The following MYL6 variants were observed in gnomAD, a reference collection of about 807,000 sequenced individuals.
The protein encoded by MYL6 is myosin light polypeptide 6.
A neutral mutation model predicts 20.3 loss-of-function variants in MYL6; 20 were observed. That is an observed-to-expected ratio of 0.98 (90% CI 0.69 to 1.43). The LOEUF (loss-of-function observed/expected upper bound fraction) is 1.43, where lower values mean the gene tolerates loss of function less well. Among genes scored for constraint, MYL6 ranks in the 40% most tolerant of loss-of-function variants. The pLI, the probability that MYL6 is intolerant of heterozygous loss-of-function variation, is 0.00. For missense variants in MYL6, 164 were observed against 191.0 expected, an observed-to-expected ratio of 0.86 and a Z score of 0.83; for synonymous variants, 77 against 72.4, an observed-to-expected ratio of 1.06 and a Z score of -0.32.
intron 2 of MYL6, chr12:56,159,358 G>A (rs1310929411): frequency 1.9e-5 from 10 of 525,414 alleles, no homozygotes; most frequent in Admixed American, 7.2e-5. Flanking sequence ...CAGGCAGAGG[G>A]GTTGTGTAAA....
At chr12:56,159,144 A>G (rs1871536041) in intron 2 of MYL6, 2 of 312,344 alleles carry the variant, frequency 6.4e-6, no homozygotes, top group Admixed American at 9.6e-5. Flanking sequence ...GGGACAAGAC[A>G]GGGGAGTTTG....
intron 6 of MYL6, 99 bp downstream of exon 6, chr12:56,160,769 T>C: frequency 2.3e-6 from 3 of 1,325,642 alleles, no homozygotes; most frequent in Non-Finnish European, 3.2e-6. Flanking sequence ...TACTACCATC[T>C]GACTTCCTCC....
Position 56,159,685 on chromosome 12 carries a change from A to G in MYL6, c.130A>G (p.Thr44Ala), listed in dbSNP as rs1194603065. ...GATGAGGGCCCTGGGCCAGAACCCT[A>G]CCAACGCCGAGGTGCTCAAGGTCCT... ...DVMRALGQNP[T>A]NAEVLKVLGN... The change falls in exon 3 of 7, where the codon ACC becomes GCC. Residue 44 changes from threonine to alanine, a missense_variant. Physicochemically the swap from Thr to Ala is moderately conservative, Grantham distance 58. Transcript: ENST00000550697. The G allele has an allele frequency of 7.4e-6, 12 of 1,614,148 alleles. No homozygotes were observed. The highest frequency in any genetic ancestry group is 1.0e-5 in the Non-Finnish European group (12 of 1,180,018).
At chr12:56,160,589 T>C in intron 5 of MYL6, 37 bp from the exon 6 acceptor site, 1 of 1,612,020 alleles carries the variant, frequency 6.2e-7, no homozygotes, top group Non-Finnish European at 8.5e-7. Flanking sequence ...CATGTCTTTG[T>C]CTTGTCTTCA....
chr12:56,160,453 G>C, intron 5 of MYL6, 133 bp downstream of exon 5: 6 of 1,454,570 alleles, frequency 4.1e-6, no homozygotes, highest in Non-Finnish European at 5.8e-6. Context: ...GCCCTGCCCA[G>C]CCCAGCCCAG....
intron 5 of MYL6, 73 bp downstream of exon 5, chr12:56,160,393 C>T: frequency 6.3e-7 from 1 of 1,588,628 alleles, no homozygotes; most frequent in South Asian, 1.1e-5. Context: ...CTGGGGCTTT[C>T]CCTATCCCTG....
At chr12:56,161,334 C>A in intron 6 of MYL6, 53 bp from the exon 7 acceptor site, 1 of 1,608,732 alleles carries the variant, frequency 6.2e-7, no homozygotes. Context: ...TGGCCCTTGG[C>A]GTACCCCTCC....
At chr12:56,161,096 C>A in intron 6 of MYL6, 1 of 585,522 alleles carries the variant, frequency 1.7e-6, no homozygotes. Context: ...ACTCTGTCCT[C>A]TCCTCCCGCC....
intron 2 of MYL6, 84 bp from the exon 3 acceptor site, chr12:56,159,503 T>C: frequency 3.9e-6 from 6 of 1,544,352 alleles, no homozygotes; most frequent in South Asian, 2.4e-5. Flanking sequence ...CTCAGCATGA[T>C]CAAAGTTGAA....
intron 3 of MYL6, 45 bp from the exon 4 acceptor site, chr12:56,159,930 T>G: frequency 1.3e-6 from 2 of 1,579,436 alleles, no homozygotes; most frequent in Non-Finnish European, 1.7e-6. Flanking sequence ...TCCTGAGAAC[T>G]TGTGTTACTT....
At chr12:56,161,349 C>T (rs150697009) in intron 6 of MYL6, 38 bp from the exon 7 acceptor site, 124 of 1,613,908 alleles carry the variant, frequency 7.7e-5, no homozygotes, top group Middle Eastern at 6.6e-4. Context: ...CCCTCCACAG[C>T]CCTGTTCCCT....
chr12:56,158,428 G>T (rs765923515), intron 1 of MYL6, 24 bp downstream of exon 1: 2 of 1,538,794 alleles, frequency 1.3e-6, no homozygotes, highest in Non-Finnish European at 1.7e-6. Context: ...CTTGGGAGAC[G>T]GGCAGGATTG....
chr12:56,158,514 CG>C, intron 1 of MYL6, 110 bp downstream of exon 1: 1 of 1,601,260 alleles, frequency 6.2e-7, no homozygotes, highest in Non-Finnish European at 8.5e-7. Context: ...TCTGAGGACC[CG>C]AAAGGTTGGA....
Position 56,160,648 on chromosome 12 carries a change from G to C in MYL6, c.450G>C (p.Ser150=), listed in dbSNP as rs199626813. 6.2e-7 allele frequency: 1 copy of C among 1,614,118 alleles called. No homozygotes were observed. Among genetic ancestry groups the C allele is most frequent in the Admixed American group, 1.7e-5 (1 of 60,010 alleles). ...NYEAFVRHIL[S]G Reference sequence around the variant, plus strand: ...CAGCGTTTGTGAGGCATATCCTGTCGGGGTGACGGGCCCATGGGGCGGGTA... The same window carrying C: ...CAGCGTTTGTGAGGCATATCCTGTCCGGGTGACGGGCCCATGGGGCGGGTA... Residue 150 remains serine (S), a synonymous_variant, in exon 6 of 7, where the codon TCG becomes TCC. Coordinates refer to ENST00000550697, the MANE Select transcript of MYL6 (RefSeq NM_021019.5).
chr12:56,161,229 GT>G (rs1364036881), intron 6 of MYL6, 157 bp from the exon 7 acceptor site: 1 of 793,240 alleles, frequency 1.3e-6, no homozygotes, highest in Non-Finnish European at 2.2e-6. Context: ...TGGAGAACTG[GT>G]CAGACTCAAG....
In MYL6 at chr12:56,159,594, G is replaced by A. The variant is rs370789770; in HGVS notation, c.39G>A (p.Lys13=). 29 of 1,613,222 alleles carry A rather than the reference G, an allele frequency of 1.8e-5. No individual in the cohort carries two copies. Among genetic ancestry groups the A allele is most frequent in the African/African-American group, 1.3e-5 (1 of 74,890 alleles). The change falls in exon 3 of 7, where the codon AAG becomes AAA. Residue 13 remains lysine, a synonymous_variant. Transcript: ENST00000550697. ...DFTEDQTAEF[K]EAFQLFDRTG... is the part of the protein sequence containing the mutation. ...ATTCATCTGAATCCTCAGAGTTCAA[G>A]GAGGCCTTCCAGCTGTTTGACCGAA...
intron 1 of MYL6, 128 bp from the exon 2 acceptor site, chr12:56,158,556 G>C: frequency 6.2e-7 from 1 of 1,613,404 alleles, no homozygotes; most frequent in Non-Finnish European, 8.5e-7. Flanking sequence ...GGCCCTGCGG[G>C]GAAGCGAGTC....
Position 56,161,562 on chromosome 12 carries a change from C to T in MYL6, c.*192C>T, listed in dbSNP as rs938220197. ...TTGCCGTCAGCATTCACCAAATAAA[C>T]TTGCTCTCTGGGCCCTCGGTTCGGT... On this transcript the variant is annotated 3_prime_UTR_variant, in exon 7 of 7. Coordinates refer to ENST00000550697, the MANE Select transcript of MYL6 (RefSeq NM_021019.5). The T allele has an allele frequency of 9.8e-7, 1 of 1,020,004 alleles. No homozygotes were observed. The highest frequency in any genetic ancestry group is 1.8e-5 in the Admixed American group (1 of 56,658). The allele number at this position is 1,020,004 out of a possible 1,614,324, so 63.2% of individuals were successfully genotyped here.
At position 56,161,543 on chromosome 12, in the gene MYL6, T is replaced by A; in HGVS notation, c.*173T>A. On this transcript the variant is annotated 3_prime_UTR_variant, in exon 7 of 7. Transcript: ENST00000550697. The stretch of plus-strand genomic sequence containing the variant: ...TGTCTCTCTTGGATGATGTTTGCCG[T>A]CAGCATTCACCAAATAAACTTGCTC... 8.3e-7 allele frequency: 1 copy of A among 1,202,310 alleles called. No homozygotes were observed. The highest frequency in any genetic ancestry group is 1.2e-6 in the Non-Finnish European group (1 of 813,590). The allele number at this position is 1,202,310 out of a possible 1,614,324, so 74.5% of individuals were successfully genotyped here. A position where few individuals can be genotyped will look rare whatever the true frequency, so the allele number is the denominator to read the frequency against.
Sources: gnomAD v4.1 joint callset for allele counts on GRCh38, gnomAD v4.1.1 for gene constraint, MANE v1.5 for transcripts, NCBI Gene and HGNC (gene_info 2026-07-23, HGNC 2026-07-21) for gene names.